Variants in EML6 observed in about 807,000 individuals in gnomAD.
The protein encoded by EML6 is echinoderm microtubule-associated protein-like 6.
EML6 carries 154 observed loss-of-function variants against 240.1 expected under a neutral mutation model. That is an observed-to-expected ratio of 0.64 (90% CI 0.56 to 0.73). EML6 has a LOEUF of 0.73. Among genes scored for constraint, EML6 ranks in the 30% least tolerant of loss-of-function variants. EML6 has a pLI of 0.00. For synonymous variants in EML6, 1,148 were observed against 899.0 expected, an observed-to-expected ratio of 1.28 and a Z score of -4.95; for missense variants, 2,964 against 2,474.6, an observed-to-expected ratio of 1.20 and a Z score of -4.20.
chr2:54,834,079 A>G lies in EML6; in HGVS notation c.847+4602A>G, dbSNP rs142252515. On this transcript the variant is annotated intron_variant, in intron 7 of 41. Coordinates refer to ENST00000356458, the MANE Select transcript of EML6 (RefSeq NM_001039753.4). ...AGCTGTATGGGGTGGTTGTCCTCCA[A>G]TATACATCTTAGTGAATATAAAATT... 6.8e-3 allele frequency among the ~76,000 whole-genome samples: 1,028 copies of G among 152,292 alleles called. 7 individuals are homozygous for G. Among genetic ancestry groups the G allele is most frequent in the African/African-American group, 0.021 (866 of 41,542 alleles).
In EML6 at chr2:54,949,368, T is replaced by C. The variant is rs147185657; in HGVS notation, c.4083+408T>C. Among the ~76,000 whole-genome samples, 734 of 152,276 alleles carry C rather than the reference T, an allele frequency of 4.8e-3. 2 individuals are homozygous for C. Among genetic ancestry groups the C allele is most frequent in the Middle Eastern group, 0.014 (4 of 294 alleles). The stretch of plus-strand genomic sequence containing the variant: ...ACTGTTTGCCGGGTGCCCTGCTCCA[T>C]AGCCACGAAGCGTTTCATACAATCT... On this transcript the variant is annotated intron_variant, in intron 29 of 41. Coordinates refer to ENST00000356458, the MANE Select transcript of EML6 (RefSeq NM_001039753.4).
chr2:54,778,380 A>T (rs1164968526), intron 2 of EML6, among the ~76,000 whole-genome samples: 1 of 152,040 alleles, frequency 6.6e-6, no homozygotes, highest in Non-Finnish European at 1.5e-5. Flanking sequence ...GAGAAAAAAG[A>T]GTTTTCTGTC....
intron 2 of EML6, among the ~76,000 whole-genome samples, chr2:54,797,040 C>G (rs897723671): frequency 6.6e-6 from 1 of 151,720 alleles, no homozygotes; most frequent in Non-Finnish European, 1.5e-5. Context: ...TGGTAGGTAC[C>G]TGTAGTCCCA....
In EML6 at chr2:54,767,199, A is replaced by G. The variant is rs993528695; in HGVS notation, c.197+41941A>G. On this transcript the variant is annotated intron_variant, in intron 2 of 41. Coordinates refer to ENST00000356458, the MANE Select transcript of EML6 (RefSeq NM_001039753.4). ...TATTTTGACACTGTTACAGCAAAGT[A>G]TTAACTGATGCAACATAAACACAAT... Among the ~76,000 whole-genome samples the G allele has an allele frequency of 8.5e-5, 13 of 152,212 alleles. No individual in the cohort carries two copies. The South Asian group carries it at 1.2e-3, about 15-fold the overall frequency.
chr2:54,832,503 G>A (rs993433542), intron 7 of EML6, among the ~76,000 whole-genome samples: 2 of 152,176 alleles, frequency 1.3e-5, no homozygotes, highest in Non-Finnish European at 2.9e-5. Context: ...CAAATCCAAA[G>A]TGAGGTAGAA....
At chr2:54,803,997 G>A (rs1000104163) in intron 2 of EML6, among the ~76,000 whole-genome samples, 4 of 152,208 alleles carry the variant, frequency 2.6e-5, no homozygotes, top group Admixed American at 2.6e-4. Flanking sequence ...TAATCTTGTG[G>A]CTCAGTTGGT....
At chr2:54,927,116 C>T (rs943983450) in intron 26 of EML6, among the ~76,000 whole-genome samples, 1 of 152,190 alleles carries the variant, frequency 6.6e-6, no homozygotes, top group Non-Finnish European at 1.5e-5. Flanking sequence ...TTTGTTCTGC[C>T]TATTTGCTAG....
Position 54,853,755 on chromosome 2 carries a change from T to A in EML6, c.1557T>A (p.Thr519=). ...SGIWPKYTEV[T]DINSVDANYN... ...TTTGGCCCAAATACACTGAGGTTAC[T>A]GACATCAACTCAGTGGATGCGAATT... is the stretch of plus-strand genomic sequence containing the variant. The change falls in exon 11 of 42, where the codon ACT becomes ACA. Residue 519 remains threonine (T), a synonymous_variant. Coordinates refer to ENST00000356458, the MANE Select transcript of EML6 (RefSeq NM_001039753.4). 1 of 1,551,514 alleles carries A rather than the reference T, an allele frequency of 6.4e-7. No homozygotes were observed. Among genetic ancestry groups the A allele is most frequent in the Non-Finnish European group, 8.7e-7 (1 of 1,146,806 alleles).
chr2:54,938,630 G>A (rs374169794), intron 28 of EML6, among the ~76,000 whole-genome samples: 18 of 152,196 alleles, frequency 1.2e-4, no homozygotes, highest in African/African-American at 4.1e-4. Context: ...AACATACTTT[G>A]ACACGTCCAC....
chr2:54,911,023 A>T lies in EML6; in HGVS notation c.3479A>T (p.His1160Leu), dbSNP rs1296981716. The T allele has an allele frequency of 6.5e-7, 1 of 1,528,710 alleles. No individual in the cohort carries two copies. Among genetic ancestry groups the T allele is most frequent in the African/African-American group, 1.4e-5 (1 of 72,734 alleles). The allele number at this position is 1,528,710 out of a possible 1,614,324, so 94.7% of individuals were successfully genotyped here. A position where few individuals can be genotyped will look rare whatever the true frequency, so the allele number is the denominator to read the frequency against. The stretch of plus-strand genomic sequence containing the variant: ...TTTGAAGCTCCAAGAGGCAAACGGC[A>T]TATAATAAGACCTTCAGAGGTAATA... Reference protein sequence around the residue: ...LFFEAPRGKRHIIRPSEIEKI... With the variant: ...LFFEAPRGKRLIIRPSEIEKI... The change falls in exon 25 of 42, where the codon CAT becomes CTT. Residue 1160 changes from histidine to leucine, a missense_variant. Transcript: ENST00000356458.
intron 2 of EML6, among the ~76,000 whole-genome samples, chr2:54,802,394 G>A (rs1670200019): frequency 6.6e-6 from 1 of 152,170 alleles, no homozygotes; most frequent in Non-Finnish European, 1.5e-5. Flanking sequence ...GGGAGGCTGA[G>A]GCGGGCAGAT....
At chr2:54,801,753 A>G (rs778560585) in intron 2 of EML6, among the ~76,000 whole-genome samples, 2 of 152,212 alleles carry the variant, frequency 1.3e-5, no homozygotes, top group Admixed American at 1.3e-4. Flanking sequence ...TTCAAAACCA[A>G]CATCACAAAC....
chr2:54,823,456 T>C (rs1668424422), intron 5 of EML6, among the ~76,000 whole-genome samples: 1 of 48,520 alleles, frequency 2.1e-5, no homozygotes, highest in African/African-American at 7.0e-5. Context: ...ACCTATTCCA[T>C]AGTTTTTTTT....
intron 26 of EML6, among the ~76,000 whole-genome samples, chr2:54,926,410 G>A (rs1163512879): frequency 6.6e-6 from 1 of 152,214 alleles, no homozygotes; most frequent in African/African-American, 2.4e-5. Flanking sequence ...CCATATTCCA[G>A]GTTTTTCTGG....
chr2:54,826,351 G>C lies in EML6; in HGVS notation c.526-1215G>C, dbSNP rs1369744063. On this transcript the variant is annotated intron_variant, in intron 5 of 41. Coordinates refer to ENST00000356458, the MANE Select transcript of EML6 (RefSeq NM_001039753.4). ...AGTTGATACATGAAAACTATGTTAAGGTTTTGAGAGGCCAAGTGGGGCAGA... is the reference window on the plus strand; with the variant it reads ...AGTTGATACATGAAAACTATGTTAACGTTTTGAGAGGCCAAGTGGGGCAGA... Among the ~76,000 whole-genome samples, 6 of 152,284 alleles carry C rather than the reference G, an allele frequency of 3.9e-5. No homozygotes were observed. In the East Asian group the frequency reaches 7.7e-4, roughly 20 times the overall value.
intron 11 of EML6, among the ~76,000 whole-genome samples, chr2:54,858,872 T>TA (rs1670526629): frequency 1.3e-5 from 2 of 152,288 alleles, no homozygotes; most frequent in African/African-American, 4.8e-5. Context: ...GAGGTTGGGG[T>TA]ATTTGACCTC....
intron 28 of EML6, among the ~76,000 whole-genome samples, chr2:54,942,151 G>C (rs1675463226): frequency 6.6e-6 from 1 of 152,162 alleles, no homozygotes; most frequent in Non-Finnish European, 1.5e-5. Flanking sequence ...CATTAAACCT[G>C]CTGTTCATTA....
intron 2 of EML6, among the ~76,000 whole-genome samples, chr2:54,809,518 A>G (rs2578713): frequency 0.88 from 133,808 of 152,120 alleles, 58,993 homozygotes; most frequent in African/African-American, 0.93. Context: ...GACTAACAGC[A>G]TGGCTGGAGG....
chr2:54,794,252 C>T (rs1669632644), intron 2 of EML6, among the ~76,000 whole-genome samples: 1 of 152,182 alleles, frequency 6.6e-6, no homozygotes, highest in Admixed American at 6.5e-5. Context: ...TGTGCCATTA[C>T]ACTCAGCTGC....
Sources: allele counts gnomAD v4.1 joint callset (sites outside exome capture counted in the v4.1 genomes callset), GRCh38; gene constraint gnomAD v4.1.1; transcripts MANE v1.5; gene names NCBI Gene and HGNC (gene_info 2026-07-23, HGNC 2026-07-21).